The following SPHKAP variants were observed in gnomAD, a reference collection of about 807,000 sequenced individuals.
The protein encoded by SPHKAP is A-kinase anchor protein SPHKAP.
In SPHKAP, 67 loss-of-function variants were observed where a neutral mutation model predicts 137.5. The observed-to-expected ratio is 0.49, with a 90% confidence interval of 0.40 to 0.60. The LOEUF (loss-of-function observed/expected upper bound fraction) is 0.60, where lower values mean the gene tolerates loss of function less well. Ranked by LOEUF, SPHKAP falls within the 20% of genes least tolerant of loss-of-function variation. The pLI is 0.00. For synonymous variants in SPHKAP, 813 were observed against 785.3 expected, an observed-to-expected ratio of 1.04 and a Z score of -0.59; for missense variants, 2,097 against 2,069.3, an observed-to-expected ratio of 1.01 and a Z score of -0.26.
At chr2:228,101,424 G>A (rs968521323) in intron 3 of SPHKAP, among the ~76,000 whole-genome samples, 5 of 152,104 alleles carry the variant, frequency 3.3e-5, no homozygotes, top group Admixed American at 3.3e-4. Flanking sequence ...TCTAGTTTAT[G>A]AAGGATGCAT....
At chr2:228,113,852 A>G (rs1698610742) in intron 2 of SPHKAP, among the ~76,000 whole-genome samples, 1 of 152,058 alleles carries the variant, frequency 6.6e-6, no homozygotes, top group Admixed American at 6.6e-5. Context: ...TTTCTCAAAT[A>G]GTATGCATTG....
At chr2:228,074,027 A>G (rs954186908) in intron 3 of SPHKAP, among the ~76,000 whole-genome samples, 1 of 152,236 alleles carries the variant, frequency 6.6e-6, no homozygotes, top group Non-Finnish European at 1.5e-5. Context: ...CAGGTTCAAC[A>G]TTCAGTTTTC....
At chr2:228,132,613 C>T (rs984115168) in intron 1 of SPHKAP, 1 of 430,314 alleles carries the variant, frequency 2.3e-6, no homozygotes, top group Non-Finnish European at 3.1e-6. Context: ...TTCTCTATCT[C>T]CAAAATTATA....
intron 2 of SPHKAP, among the ~76,000 whole-genome samples, chr2:228,125,830 A>G (rs1476283281): frequency 6.6e-6 from 1 of 152,136 alleles, no homozygotes; most frequent in Non-Finnish European, 1.5e-5. Context: ...TAATCCCAGC[A>G]CTTTGGGAGG....
rs1169245649 is a variant in SPHKAP at position 228,143,567 on chromosome 2, T to A, written c.33-11482A>T. 2.0e-5 allele frequency among the ~76,000 whole-genome samples: 3 copies of A among 151,812 alleles called. No homozygotes were observed. In the East Asian group the frequency reaches 5.8e-4, roughly 29 times the overall value. On this transcript the variant is annotated intron_variant, in intron 1 of 11. Coordinates refer to ENST00000392056, the MANE Select transcript of SPHKAP (RefSeq NM_001142644.2). The stretch of plus-strand genomic sequence containing the variant: ...CTGGAGTGCAGTGGTGTGATCTTGG[T>A]TCACTGCAACCTCCGCCTCCCTGGT...
intron 11 of SPHKAP, among the ~76,000 whole-genome samples, chr2:227,985,228 G>A (rs1027700626): frequency 2.0e-5 from 3 of 152,136 alleles, no homozygotes; most frequent in Admixed American, 2.0e-4. Context: ...TCCCAGTAAA[G>A]TGGCATTTAA....
chr2:228,139,933 T>C (rs1309404891), intron 1 of SPHKAP, among the ~76,000 whole-genome samples: 1 of 150,302 alleles, frequency 6.7e-6, no homozygotes, highest in Non-Finnish European at 1.5e-5. Flanking sequence ...TTTCTTTCTT[T>C]CTTTTTCTTT....
intron 7 of SPHKAP, among the ~76,000 whole-genome samples, chr2:228,002,355 G>A (rs1032159868): frequency 9.2e-5 from 14 of 152,314 alleles, no homozygotes; most frequent in African/African-American, 3.4e-4. Flanking sequence ...TCTGTTGGCT[G>A]CATAAATGTC....
chr2:228,178,756 T>A (rs1322812492), intron 1 of SPHKAP, among the ~76,000 whole-genome samples: 1 of 152,130 alleles, frequency 6.6e-6, no homozygotes, highest in African/African-American at 2.4e-5. Flanking sequence ...CACAGCTTGG[T>A]TTCCTTATGG....
In SPHKAP at chr2:228,086,001, T is replaced by C. The variant is rs1697525621; in HGVS notation, c.246+22831A>G. Among the ~76,000 whole-genome samples, 3 of 152,196 alleles carry C rather than the reference T, an allele frequency of 2.0e-5. 1 individual carries two copies. The South Asian group carries it at 6.2e-4, about 31-fold the overall frequency. ...ACAGAAGACATGAAACTGTGGACTC[T>C]ATGTTTACAAACCCTGCCTCAGTTA... On this transcript the variant is annotated intron_variant, in intron 3 of 11. Transcript: ENST00000392056.
intron 3 of SPHKAP, among the ~76,000 whole-genome samples, chr2:228,087,737 AG>A (rs1191203545): frequency 1.3e-5 from 2 of 152,184 alleles, no homozygotes; most frequent in East Asian, 3.8e-4. Context: ...AGAGATTGAC[AG>A]GGATATGCAA....
chr2:228,089,377 C>T (rs1423515394), intron 3 of SPHKAP, among the ~76,000 whole-genome samples: 1 of 152,196 alleles, frequency 6.6e-6, no homozygotes, highest in Non-Finnish European at 1.5e-5. Flanking sequence ...CTGCTTCTAA[C>T]AGCCTACAGT....
chr2:228,008,863 C>G (rs1176361784), intron 7 of SPHKAP, among the ~76,000 whole-genome samples: 2 of 152,104 alleles, frequency 1.3e-5, no homozygotes, highest in Non-Finnish European at 1.5e-5. Context: ...ACCACACTCT[C>G]TTGACTACTA....
chr2:228,111,833 T>C (rs532389554), intron 2 of SPHKAP, among the ~76,000 whole-genome samples: 1 of 152,238 alleles, frequency 6.6e-6, no homozygotes, highest in Non-Finnish European at 1.5e-5. Context: ...AGGGCTGTCT[T>C]ATATACCCAT....
chr2:228,051,096 C>T (rs960405946), intron 3 of SPHKAP, among the ~76,000 whole-genome samples: 2 of 152,110 alleles, frequency 1.3e-5, no homozygotes, highest in African/African-American at 4.8e-5. Flanking sequence ...TGAGCCACTG[C>T]ACCTGGCCAC....
chr2:228,107,011 T>C (rs1292845798), intron 3 of SPHKAP, among the ~76,000 whole-genome samples: 1 of 152,182 alleles, frequency 6.6e-6, no homozygotes, highest in Non-Finnish European at 1.5e-5. Context: ...ATATACAGTG[T>C]ATACATTCTG....
chr2:228,163,214 G>A (rs1046083519), intron 1 of SPHKAP, among the ~76,000 whole-genome samples: 1 of 152,082 alleles, frequency 6.6e-6, no homozygotes, highest in Non-Finnish European at 1.5e-5. Context: ...ACAACCCAAT[G>A]TTTTTCTGGT....
chr2:228,055,286 G>A (rs1251366350), intron 3 of SPHKAP, among the ~76,000 whole-genome samples: 1 of 152,096 alleles, frequency 6.6e-6, no homozygotes, highest in Non-Finnish European at 1.5e-5. Context: ...GATAAGAAAG[G>A]GGATAAATAA....
Position 227,981,922 on chromosome 2 carries a change from C to A in SPHKAP, c.4960-62G>T, listed in dbSNP as rs1693010078. On this transcript the variant is annotated intron_variant, in intron 11 of 11. Coordinates refer to ENST00000392056, the MANE Select transcript of SPHKAP (RefSeq NM_001142644.2). ...AGAGGGTCCTCAAAGCCACCTCATT[C>A]AACCACCCTCGCGAAGCCAATGGCT... The A allele has an allele frequency of 7.1e-6, 11 of 1,544,422 alleles. No individual in the cohort carries two copies. The South Asian group carries it at 1.4e-4, about 20-fold the overall frequency.
Sources: gnomAD v4.1 joint callset for allele counts (sites outside exome capture counted in the v4.1 genomes callset) on GRCh38, gnomAD v4.1.1 for gene constraint, MANE v1.5 for transcripts, NCBI Gene and HGNC (gene_info 2026-07-23, HGNC 2026-07-21) for gene names.